Variants in GALNTL6 observed in about 807,000 individuals in gnomAD.
GALNTL6 encodes the protein polypeptide N-acetylgalactosaminyltransferase-like 6.
Under a neutral mutation model 73.7 loss-of-function variants are expected in GALNTL6, and 46 were observed. That is an observed-to-expected ratio of 0.62 (90% CI 0.49 to 0.80). GALNTL6 has a LOEUF of 0.80. Among genes scored for constraint, GALNTL6 ranks in the 30% least tolerant of loss-of-function variants. GALNTL6 has a pLI of 0.00. For synonymous variants in GALNTL6, 259 were observed against 263.7 expected (o/e 0.98, Z 0.17); for missense variants, 604 against 755.0 (o/e 0.80, Z 2.34).
intron 2 of GALNTL6, among the ~76,000 whole-genome samples, chr4:172,095,057 T>C (rs980874511): frequency 1.3e-5 from 2 of 151,616 alleles, no homozygotes; most frequent in Non-Finnish European, 2.9e-5. Context: ...CTTTGCTTAC[T>C]TGAAATTTTA....
intron 2 of GALNTL6, among the ~76,000 whole-genome samples, chr4:172,103,035 T>TA (rs1249405369): frequency 6.6e-6 from 1 of 152,154 alleles, no homozygotes; most frequent in Admixed American, 6.5e-5. Context: ...GACCTAGGAA[T>TA]AAAGGTTCAT....
At chr4:172,065,120 T>G (rs780116461) in intron 2 of GALNTL6, among the ~76,000 whole-genome samples, 2 of 151,924 alleles carry the variant, frequency 1.3e-5, no homozygotes, top group African/African-American at 4.8e-5. Flanking sequence ...CCAACCTTTT[T>G]GGCACAAGGG....
chr4:171,992,476 T>C (rs922253631), intron 2 of GALNTL6, among the ~76,000 whole-genome samples: 3 of 152,014 alleles, frequency 2.0e-5, no homozygotes, highest in Non-Finnish European at 4.4e-5. Flanking sequence ...AATATTGCAA[T>C]TATAATTGGA....
At chr4:172,236,850 T>C (rs1383951629) in intron 3 of GALNTL6, among the ~76,000 whole-genome samples, 1 of 152,182 alleles carries the variant, frequency 6.6e-6, no homozygotes. Flanking sequence ...AGGTATTTTT[T>C]TGATCCTCAA....
At chr4:172,728,465 A>G (rs62330792) in intron 5 of GALNTL6, among the ~76,000 whole-genome samples, 14,530 of 151,878 alleles carry the variant, frequency 0.096, 897 homozygotes, top group East Asian at 0.21. Flanking sequence ...ATGCTTTGTT[A>G]TGGCTGAATT....
intron 2 of GALNTL6, among the ~76,000 whole-genome samples, chr4:172,113,675 T>C (rs1732914860): frequency 6.6e-6 from 1 of 152,056 alleles, no homozygotes; most frequent in African/African-American, 2.4e-5. Context: ...ACCTTGCAAA[T>C]AAATAATGAT....
intron 5 of GALNTL6, among the ~76,000 whole-genome samples, chr4:172,482,099 A>G (rs1398239685): frequency 6.6e-6 from 1 of 152,162 alleles, no homozygotes. Flanking sequence ...CGCCCCCTCC[A>G]CAGCTGCTGG....
At chr4:171,870,877 A>G (rs952199087) in intron 2 of GALNTL6, among the ~76,000 whole-genome samples, 1 of 152,136 alleles carries the variant, frequency 6.6e-6, no homozygotes, top group African/African-American at 2.4e-5. Context: ...AAGCAGCATG[A>G]CCCTGCTGAT....
chr4:172,877,259 A>C (rs1332762247), intron 7 of GALNTL6, among the ~76,000 whole-genome samples: 1 of 152,174 alleles, frequency 6.6e-6, no homozygotes, highest in Non-Finnish European at 1.5e-5. Flanking sequence ...ATAATGTCTG[A>C]AAATGTGAGA....
intron 5 of GALNTL6, among the ~76,000 whole-genome samples, chr4:172,425,891 A>C (rs1561077533): frequency 6.6e-6 from 1 of 152,088 alleles, no homozygotes; most frequent in Non-Finnish European, 1.5e-5. Flanking sequence ...GAGTAGGCAA[A>C]GTTGTGGATT....
intron 10 of GALNTL6, among the ~76,000 whole-genome samples, chr4:172,981,213 C>T (rs1412698164): frequency 6.6e-6 from 1 of 152,132 alleles, no homozygotes; most frequent in Non-Finnish European, 1.5e-5. Flanking sequence ...GGGTATACAC[C>T]TAGTAGTGGA....
At chr4:173,005,170 C>T (rs1752219423) in intron 10 of GALNTL6, among the ~76,000 whole-genome samples, 1 of 152,206 alleles carries the variant, frequency 6.6e-6, no homozygotes, top group Non-Finnish European at 1.5e-5. Context: ...TCTGCCAGAC[C>T]TTTTCTTGAT....
chr4:171,987,635 A>T, intron 2 of GALNTL6, among the ~76,000 whole-genome samples: 1 of 152,164 alleles, frequency 6.6e-6, no homozygotes, highest in Non-Finnish European at 1.5e-5. Flanking sequence ...AGAATAGCAG[A>T]TGGAACACTG....
At chr4:172,016,738 G>T (rs1327529495) in intron 2 of GALNTL6, among the ~76,000 whole-genome samples, 1 of 147,790 alleles carries the variant, frequency 6.8e-6, no homozygotes, top group Non-Finnish European at 1.5e-5. Context: ...TTTTTTATTG[G>T]ATTGATTTTT....
chr4:172,046,982 A>G (rs1335878636), intron 2 of GALNTL6, among the ~76,000 whole-genome samples: 1 of 152,056 alleles, frequency 6.6e-6, no homozygotes. Context: ...TTTTTCAGAG[A>G]CATTGAGACG....
At chr4:172,992,822 T>G (rs1751599967) in intron 10 of GALNTL6, among the ~76,000 whole-genome samples, 1 of 152,192 alleles carries the variant, frequency 6.6e-6, no homozygotes, top group Admixed American at 6.5e-5. Flanking sequence ...GTGAATAATT[T>G]GTTGGTTTTA....
chr4:172,737,443 A>G (rs1008632204), intron 5 of GALNTL6, among the ~76,000 whole-genome samples: 16 of 152,044 alleles, frequency 1.1e-4, no homozygotes, highest in African/African-American at 3.9e-4. Context: ...AATATATTTC[A>G]TAGTTGCAAG....
chr4:172,164,062 A>T (rs914246546), intron 2 of GALNTL6, among the ~76,000 whole-genome samples: 1 of 152,036 alleles, frequency 6.6e-6, no homozygotes, highest in African/African-American at 2.4e-5. Flanking sequence ...ATCTAGTGAT[A>T]GTGAAGGATC....
chr4:171,927,278 G>A (rs1433163321), intron 2 of GALNTL6, among the ~76,000 whole-genome samples: 1 of 151,754 alleles, frequency 6.6e-6, no homozygotes, highest in African/African-American at 2.4e-5. Context: ...TTATATTGTT[G>A]GTGCTTTACT....
Sources: gnomAD v4.1 joint callset for allele counts (sites outside exome capture counted in the v4.1 genomes callset) on GRCh38, gnomAD v4.1.1 for gene constraint, MANE v1.5 for transcripts, NCBI Gene and HGNC (gene_info 2026-07-23, HGNC 2026-07-21) for gene names.